CACUL1: variants seen among roughly 807,000 people sequenced by gnomAD.
The protein encoded by CACUL1 is CDK2 associated cullin domain 1, also known as CDK2-associated and cullin domain-containing protein 1.
In CACUL1, 13 loss-of-function variants were observed where a neutral mutation model predicts 45.2. That is an observed-to-expected ratio of 0.29 (90% CI 0.19 to 0.46). CACUL1 has a LOEUF of 0.46. CACUL1 is among the 20% of genes least tolerant of loss of function. The probability of loss-of-function intolerance (pLI) is 1.00; values close to 1 mark genes in which losing one functional copy is unlikely to be tolerated. For missense variants in CACUL1, 421 were observed against 471.4 expected (o/e 0.89, Z 0.99); for synonymous variants, 197 against 174.2 (o/e 1.13, Z -1.03).
chr10:118,735,178 T>C (rs141166220), intron 1 of CACUL1, among the ~76,000 whole-genome samples: 3 of 152,330 alleles, frequency 2.0e-5, no homozygotes, highest in African/African-American at 7.2e-5. Flanking sequence ...GTGAAAGATA[T>C]ACTACTTATT....
rs1304038857 is a variant in CACUL1 at position 118,726,247 on chromosome 10, A to T, written c.597+3048T>A. 4 of 1,103,242 alleles carry T rather than the reference A, an allele frequency of 3.6e-6. No individual in the cohort carries two copies. In the East Asian group the frequency reaches 2.3e-4, roughly 64 times the overall value. 68.3% of individuals were successfully genotyped at this position (1,103,242 alleles called of 1,614,324 possible). A position where few individuals can be genotyped will look rare whatever the true frequency, so the allele number is the denominator to read the frequency against. On this transcript the variant is annotated intron_variant, in intron 3 of 8. Transcript: ENST00000369151. ...ATAAAGATTACATCAGGCCACACAC[A>T]TCACACTGAACAAATAAATAAAATG...
chr10:118,741,671 A>T (rs1043022853), intron 1 of CACUL1, among the ~76,000 whole-genome samples: 17 of 152,098 alleles, frequency 1.1e-4, no homozygotes, highest in African/African-American at 3.9e-4. Context: ...TTCAATCTCC[A>T]TCTCTTGTCT....
chr10:118,691,640 G>A (rs1158581017), intron 6 of CACUL1: 3 of 356,310 alleles, frequency 8.4e-6, no homozygotes, highest in East Asian at 7.1e-5. Context: ...GGCCGAGGCA[G>A]GTGGATCACG....
chr10:118,753,942 A>G (rs1845925301), intron 1 of CACUL1, among the ~76,000 whole-genome samples: 1 of 152,192 alleles, frequency 6.6e-6, no homozygotes, highest in Non-Finnish European at 1.5e-5. Flanking sequence ...CCTGGCCAAA[A>G]ACACAAGAAC....
At chr10:118,695,661 A>C (rs1845315324) in intron 5 of CACUL1, among the ~76,000 whole-genome samples, 1 of 152,250 alleles carries the variant, frequency 6.6e-6, no homozygotes, top group Admixed American at 6.5e-5. Flanking sequence ...ATTCATTTCC[A>C]CAAATGCTAT....
chr10:118,733,975 C>A (rs1260307825), intron 1 of CACUL1, among the ~76,000 whole-genome samples: 1 of 152,194 alleles, frequency 6.6e-6, no homozygotes, highest in African/African-American at 2.4e-5. Context: ...ATGTTCATAA[C>A]CCTGTACTCC....
intron 3 of CACUL1, among the ~76,000 whole-genome samples, chr10:118,715,268 C>T (rs1446893274): frequency 1.3e-5 from 2 of 152,094 alleles, no homozygotes; most frequent in African/African-American, 4.8e-5. Context: ...AAGGAAAAGA[C>T]AGATTTGATA....
chr10:118,694,815 G>C (rs1262059808), intron 6 of CACUL1: 2 of 218,060 alleles, frequency 9.2e-6, no homozygotes, highest in African/African-American at 2.2e-5. Context: ...GTGGATGTCT[G>C]TAAGTATGTG....
At chr10:118,700,423 T>A (rs1845367406) in intron 5 of CACUL1, among the ~76,000 whole-genome samples, 1 of 151,908 alleles carries the variant, frequency 6.6e-6, no homozygotes, top group Admixed American at 6.5e-5. Context: ...GACTCAAGAA[T>A]GGGAAGAGGA....
At chr10:118,705,175 A>G (rs533091787) in intron 4 of CACUL1, among the ~76,000 whole-genome samples, 4 of 152,182 alleles carry the variant, frequency 2.6e-5, no homozygotes, top group African/African-American at 9.6e-5. Context: ...TCCACATTTC[A>G]TTTCTAAGTA....
chr10:118,691,869 A>C (rs948361647), intron 6 of CACUL1, among the ~76,000 whole-genome samples: 1 of 85,414 alleles, frequency 1.2e-5, no homozygotes. Flanking sequence ...TCCGTCTCAA[A>C]AAAAAAAAAA....
At position 118,739,315 on chromosome 10, in the gene CACUL1, CATT is replaced by C. The variant is rs1462580364; in HGVS notation, c.368-8908_368-8906del. Among the ~76,000 whole-genome samples the C allele has an allele frequency of 2.5e-3, 375 of 151,446 alleles. 1 individual carries two copies. Among genetic ancestry groups the C allele is most frequent in the African/African-American group, 7.0e-3 (289 of 41,434 alleles). Reference sequence around the variant, plus strand: ...TTAGAAGATCAAAACAGAAATTCAACATTTGACTACCAATAATTCCAGAGAAAA... The same window carrying C: ...TTAGAAGATCAAAACAGAAATTCAACTGACTACCAATAATTCCAGAGAAAA... On this transcript the variant is annotated intron_variant, in intron 1 of 8. Transcript: ENST00000369151.
At chr10:118,714,787 TTC>T (rs1564833457) in intron 3 of CACUL1, among the ~76,000 whole-genome samples, 5 of 152,312 alleles carry the variant, frequency 3.3e-5, no homozygotes, top group South Asian at 2.1e-4. Flanking sequence ...ATTAATAATT[TTC>T]TCTGTTTCAT....
At chr10:118,696,147 G>C (rs1845319888) in intron 5 of CACUL1, among the ~76,000 whole-genome samples, 1 of 152,130 alleles carries the variant, frequency 6.6e-6, no homozygotes, top group South Asian at 2.1e-4. Context: ...ATGGCCATCA[G>C]AGATGCACTC....
Position 118,679,976 on chromosome 10 carries a change from A to C in CACUL1, c.*6152T>G, listed in dbSNP as rs1438733948. 1 of 152,114 alleles carries C rather than the reference A, an allele frequency of 6.6e-6. No homozygotes were observed. Among genetic ancestry groups the C allele is most frequent in the Admixed American group, 6.5e-5 (1 of 15,284 alleles). The allele number at this position is 152,114 out of a possible 1,614,324, so 9.4% of individuals were successfully genotyped here. A position where few individuals can be genotyped will look rare whatever the true frequency, so the allele number is the denominator to read the frequency against. On this transcript the variant is annotated 3_prime_UTR_variant, in exon 9 of 9. Coordinates refer to ENST00000369151, the MANE Select transcript of CACUL1 (RefSeq NM_153810.5). Reference sequence around the variant, plus strand: ...CATATTTTGAGGTATACTATTAGACATGTAGGTACATTACTAGAAAGTTTT... The same window carrying C: ...CATATTTTGAGGTATACTATTAGACCTGTAGGTACATTACTAGAAAGTTTT...
intron 3 of CACUL1, among the ~76,000 whole-genome samples, chr10:118,716,446 G>C (rs2119611163): frequency 6.6e-6 from 1 of 151,800 alleles, no homozygotes; most frequent in East Asian, 1.9e-4. Flanking sequence ...TTTAACAACT[G>C]TTTGGACACA....
Position 118,681,490 on chromosome 10 carries a change from C to T in CACUL1, c.*4638G>A, listed in dbSNP as rs1488177076. ...TAGTGCATTTAGTACATAGTCACAA[C>T]ATTGAAATGACGTGAGAATCAATAC... On this transcript the variant is annotated 3_prime_UTR_variant, in exon 9 of 9. Coordinates refer to ENST00000369151, the MANE Select transcript of CACUL1 (RefSeq NM_153810.5). 1.3e-5 allele frequency: 2 copies of T among 152,180 alleles called. No homozygotes were observed. The highest frequency in any genetic ancestry group is 4.8e-5 in the African/African-American group (2 of 41,430). The allele number at this position is 152,180 out of a possible 1,614,324, so 9.4% of individuals were successfully genotyped here. A position where few individuals can be genotyped will look rare whatever the true frequency, so the allele number is the denominator to read the frequency against.
intron 6 of CACUL1, 104 bp from the exon 7 acceptor site, chr10:118,691,507 G>A: frequency 1.9e-6 from 2 of 1,037,466 alleles, no homozygotes; most frequent in Non-Finnish European, 1.4e-6. Flanking sequence ...CCAAATTTAA[G>A]CAGGGGAAAA....
chr10:118,725,692 T>C (rs1845645576), intron 3 of CACUL1, among the ~76,000 whole-genome samples: 1 of 152,026 alleles, frequency 6.6e-6, no homozygotes, highest in Non-Finnish European at 1.5e-5. Context: ...GTGCCTGAAG[T>C]AAAGTAATTT....
Sources: gnomAD v4.1 joint callset for allele counts (sites outside exome capture counted in the v4.1 genomes callset) on GRCh38, gnomAD v4.1.1 for gene constraint, MANE v1.5 for transcripts, NCBI Gene and HGNC (gene_info 2026-07-23, HGNC 2026-07-21) for gene names.